Variants in TCHP observed in about 807,000 individuals in gnomAD.
TCHP encodes trichoplein keratin filament-binding protein.
In TCHP, 81 loss-of-function variants were observed where a neutral mutation model predicts 88.7. The observed-to-expected ratio is 0.91, with a 90% confidence interval of 0.76 to 1.10. The LOEUF (loss-of-function observed/expected upper bound fraction) is 1.10, where lower values mean the gene tolerates loss of function less well. TCHP is among the 50% of genes least tolerant of loss of function. TCHP has a pLI of 0.00. For missense variants in TCHP, 641 were observed against 632.1 expected (o/e 1.01, Z -0.15); for synonymous variants, 232 against 232.5 (o/e 1.00, Z 0.02).
At chr12:109,902,882 T>C (rs987082129) in intron 1 of TCHP, 145 bp from the exon 2 acceptor site, 2 of 560,366 alleles carry the variant, frequency 3.6e-6, no homozygotes, top group African/African-American at 3.7e-5. Flanking sequence ...GACACGGTTT[T>C]GTTTGTTTGT....
At chr12:109,907,479 T>C in intron 5 of TCHP, 47 bp from the exon 6 acceptor site, 1 of 1,574,728 alleles carries the variant, frequency 6.4e-7, no homozygotes. Flanking sequence ...AGGTTTTTGT[T>C]GGCTTACGGT....
chr12:109,903,030 G>A lies in TCHP; in HGVS notation c.4G>A (p.Ala2Thr). The A allele has an allele frequency of 6.3e-7, 1 of 1,594,488 alleles. No homozygotes were observed. Among genetic ancestry groups the A allele is most frequent in the Non-Finnish European group, 8.5e-7 (1 of 1,169,798 alleles). The change falls in exon 2 of 13, where the codon GCG becomes ACG. Residue 2 changes from alanine (A) to threonine (T), a missense_variant. Ala to Thr is a moderately conservative substitution (Grantham distance 58, BLOSUM62 0). Transcript: ENST00000405876. This position sits in a 1 kb window ranked among gnomAD's most constrained non-coding sequence, Gnocchi z 4.6. M[A>T]LPTLPSYWCS... is the part of the protein sequence containing the mutation. ...TTCCTCCCATTCCTGTTCTCAGATG[G>A]CGCTCCCGACGCTGCCGTCCTACTG...
At chr12:109,909,944 G>A (rs527352522) in intron 8 of TCHP, among the ~76,000 whole-genome samples, 42 of 151,946 alleles carry the variant, frequency 2.8e-4, no homozygotes, top group African/African-American at 1.0e-3. Flanking sequence ...AAGCCTGGGG[G>A]ACAAGAGCGA....
At chr12:109,915,065 C>G in intron 11 of TCHP, 1 of 461,288 alleles carries the variant, frequency 2.2e-6, no homozygotes, top group South Asian at 2.1e-5. Context: ...CTACGAGGTA[C>G]ATGCCATGCA....
In TCHP at chr12:109,903,536, C is replaced by T. The variant is rs529195923; in HGVS notation, c.188+322C>T. Among the ~76,000 whole-genome samples the T allele has an allele frequency of 6.6e-6, 1 of 152,312 alleles. No individual in the cohort carries two copies. The highest frequency in any genetic ancestry group is 2.4e-5 in the African/African-American group (1 of 41,568). Reference sequence around the variant, plus strand: ...ACTGGTATTTGTGCTTAAATATACACACACAAAGCTACTTTTATAGAAATA... The same window carrying T: ...ACTGGTATTTGTGCTTAAATATACATACACAAAGCTACTTTTATAGAAATA... On this transcript the variant is annotated intron_variant, in intron 2 of 12. Coordinates refer to ENST00000405876, the MANE Select transcript of TCHP (RefSeq NM_001143852.2). This position sits in a 1 kb window ranked among gnomAD's most constrained non-coding sequence, Gnocchi z 4.6.
intron 6 of TCHP, among the ~76,000 whole-genome samples, chr12:109,908,278 C>T (rs991958819): frequency 3.9e-5 from 6 of 152,186 alleles, no homozygotes; most frequent in Non-Finnish European, 8.8e-5. Context: ...TAGAGCCTGA[C>T]CAAGGCCCAC....
intron 6 of TCHP, among the ~76,000 whole-genome samples, chr12:109,908,296 ACCT>A (rs1239859472): frequency 6.6e-6 from 1 of 152,018 alleles, no homozygotes; most frequent in Admixed American, 6.6e-5. Context: ...CACAGTCCTG[ACCT>A]CCTGGTGGGG....
Position 109,912,109 on chromosome 12 carries a change from T to C in TCHP, c.1052+874T>C, listed in dbSNP as rs543494132. 5.9e-5 allele frequency among the ~76,000 whole-genome samples: 9 copies of C among 152,278 alleles called. No individual in the cohort carries two copies. In the South Asian group the frequency reaches 1.2e-3, roughly 21 times the overall value. On this transcript the variant is annotated intron_variant, in intron 9 of 12. Transcript: ENST00000405876. ...ATGCCCAGCCAGAAGGAAGTTATTA[T>C]AGAGATGTTGAATGCTGCTTACATC...
intron 9 of TCHP, among the ~76,000 whole-genome samples, chr12:109,912,719 A>G (rs1229331595): frequency 6.6e-6 from 1 of 152,084 alleles, no homozygotes; most frequent in African/African-American, 2.4e-5. Flanking sequence ...TGAACCTGGG[A>G]GGTGGAGGTT....
At chr12:109,895,773 CT>C (rs1336427861), upstream of TCHP, among the ~76,000 whole-genome samples, 1 of 152,140 alleles carries the variant, frequency 6.6e-6, no homozygotes, top group Non-Finnish European at 1.5e-5. Flanking sequence ...GTGTCACCCC[CT>C]CTCCCTGTTC....
intron 1 of TCHP, among the ~76,000 whole-genome samples, chr12:109,901,224 T>TATC: frequency 7.2e-6 from 1 of 139,108 alleles, no homozygotes; most frequent in Non-Finnish European, 1.5e-5. Flanking sequence ...CCAGCTTGTT[T>TATC]ATCTCCTTTA....
intron 10 of TCHP, among the ~76,000 whole-genome samples, chr12:109,913,391 C>T (rs1482032633): frequency 1.3e-5 from 2 of 152,190 alleles, no homozygotes; most frequent in East Asian, 1.9e-4. Flanking sequence ...TGGCTTCAAG[C>T]GTTGTGACAT....
chr12:109,909,821 C>T (rs932941552), intron 8 of TCHP, among the ~76,000 whole-genome samples: 2 of 152,146 alleles, frequency 1.3e-5, no homozygotes, highest in Admixed American at 1.3e-4. Context: ...CAAAAATTAG[C>T]CGGGTGTGGT....
At chr12:109,909,882 T>C (rs1870386658) in intron 8 of TCHP, among the ~76,000 whole-genome samples, 1 of 152,132 alleles carries the variant, frequency 6.6e-6, no homozygotes, top group Non-Finnish European at 1.5e-5. Context: ...GAAGAATCAT[T>C]TGAACCTGGT....
chr12:109,881,123 A>T, the TCHP span, among the ~76,000 whole-genome samples: 95 of 152,200 alleles, frequency 6.2e-4, no homozygotes, highest in Non-Finnish European at 1.2e-3. Context: ...ACCTGTTGTG[A>T]GGCAGAAAAA....
chr12:109,881,697 A>C, the TCHP span, among the ~76,000 whole-genome samples: 1 of 152,154 alleles, frequency 6.6e-6, no homozygotes, highest in African/African-American at 2.4e-5. Context: ...AGTTTATACC[A>C]ATTCACCCAC....
chr12:109,893,185 G>A, the TCHP span, among the ~76,000 whole-genome samples: 2 of 152,080 alleles, frequency 1.3e-5, no homozygotes, highest in Non-Finnish European at 2.9e-5. Context: ...TTCAAGACCA[G>A]CCTTGCCAAC....
At chr12:109,887,377 G>A in the TCHP span, among the ~76,000 whole-genome samples, 4 of 141,280 alleles carry the variant, frequency 2.8e-5, no homozygotes, top group Non-Finnish European at 4.5e-5. Context: ...AGCCGAGATC[G>A]CACCACTGCA....
the TCHP span, among the ~76,000 whole-genome samples, chr12:109,895,021 G>A: frequency 2.0e-5 from 3 of 151,964 alleles, no homozygotes; most frequent in Admixed American, 6.6e-5. Context: ...CAGATACCTG[G>A]GTTGACCACC....
Sources: allele counts gnomAD v4.1 joint callset (sites outside exome capture counted in the v4.1 genomes callset), GRCh38; gene constraint gnomAD v4.1.1; non-coding constraint Gnocchi (gnomAD v3.1); transcripts MANE v1.5; gene names NCBI Gene and HGNC (gene_info 2026-07-23, HGNC 2026-07-21).